Variants in CHD1L observed in about 807,000 individuals in gnomAD.
CHD1L encodes ATP-dependent chromatin remodeler CHD1L.
CHD1L carries 118 observed loss-of-function variants against 115.9 expected under a neutral mutation model. The ratio of observed to expected loss-of-function variants is 1.02; its 90% CI spans 0.88 to 1.19. CHD1L has a LOEUF of 1.19. Among genes scored for constraint, CHD1L ranks in the 50% most tolerant of loss-of-function variants. The pLI is 0.00. For synonymous variants in CHD1L, 411 were observed against 387.1 expected, an observed-to-expected ratio of 1.06 and a Z score of -0.72; for missense variants, 1,179 against 1,065.3, an observed-to-expected ratio of 1.11 and a Z score of -1.49.
the CHD1L span, chr1:147,204,830 C>T: frequency 6.2e-7 from 1 of 1,603,448 alleles, no homozygotes; most frequent in Non-Finnish European, 8.5e-7. Flanking sequence ...TCCTTGCAAG[C>T]TTGTATGTTT....
At chr1:147,190,347 A>G in the CHD1L span, 2 of 760,826 alleles carry the variant, frequency 2.6e-6, no homozygotes, top group East Asian at 2.6e-5. Flanking sequence ...AAAGAAATAC[A>G]GGGTAAGTTT....
chr1:147,178,369 A>T, the CHD1L span: 1 of 1,611,980 alleles, frequency 6.2e-7, no homozygotes, highest in Non-Finnish European at 8.5e-7. Context: ...GGCTGATTGC[A>T]CTGCCAACAC....
At chr1:147,244,111 T>G (rs1665825355) in intron 1 of CHD1L, among the ~76,000 whole-genome samples, 1 of 152,260 alleles carries the variant, frequency 6.6e-6, no homozygotes, top group South Asian at 2.1e-4. Flanking sequence ...GTTTGTGGGT[T>G]TGCCTATTTC....
At chr1:147,232,840 G>A in the CHD1L span, among the ~76,000 whole-genome samples, 698 of 152,244 alleles carry the variant, frequency 4.6e-3, 5 homozygotes, top group African/African-American at 0.016. Flanking sequence ...GCGTGATCTC[G>A]GCTCGCTACA....
At chr1:147,269,667 C>CAAA (rs10649680) in intron 10 of CHD1L, among the ~76,000 whole-genome samples, 1,592 of 92,888 alleles carry the variant, frequency 0.017, 80 homozygotes, top group Admixed American at 0.056. Context: ...GGCTCCATCT[C>CAAA]AAAAAAAAAA....
At chr1:147,204,830 C>G in the CHD1L span, 23 of 1,603,448 alleles carry the variant, frequency 1.4e-5, no homozygotes, top group Non-Finnish European at 2.0e-5. Context: ...TCCTTGCAAG[C>G]TTGTATGTTT....
At chr1:147,183,436 C>A in the CHD1L span, among the ~76,000 whole-genome samples, 13 of 152,254 alleles carry the variant, frequency 8.5e-5, no homozygotes, top group African/African-American at 2.9e-4. Context: ...TATGTTTCAG[C>A]CACTACATTA....
chr1:147,243,973 G>A (rs1665772939), intron 1 of CHD1L, among the ~76,000 whole-genome samples: 1 of 152,222 alleles, frequency 6.6e-6, no homozygotes, highest in South Asian at 2.1e-4. Flanking sequence ...ACATGAAAGA[G>A]AAAGACCTCT....
At chr1:147,201,175 C>A in the CHD1L span, 57 of 1,612,776 alleles carry the variant, frequency 3.5e-5, no homozygotes, top group South Asian at 5.5e-4. Flanking sequence ...AGTGGCCCAG[C>A]GTCCTTGGAG....
At chr1:147,273,446 C>T (rs1175117683) in intron 12 of CHD1L, among the ~76,000 whole-genome samples, 2 of 151,892 alleles carry the variant, frequency 1.3e-5, no homozygotes, top group Non-Finnish European at 2.9e-5. Flanking sequence ...GATTATTTCA[C>T]CTGTGTTTGT....
At chr1:147,202,646 A>G in the CHD1L span, among the ~76,000 whole-genome samples, 1 of 152,112 alleles carries the variant, frequency 6.6e-6, no homozygotes, top group South Asian at 2.1e-4. Context: ...CCTGAATACT[A>G]TATTAACTCA....
intron 20 of CHD1L, among the ~76,000 whole-genome samples, chr1:147,292,227 T>G (rs1460291367): frequency 4.6e-5 from 7 of 152,052 alleles, no homozygotes; most frequent in African/African-American, 1.7e-4. Context: ...GACTCAGAAC[T>G]CTGACGGTTT....
the CHD1L span, among the ~76,000 whole-genome samples, chr1:147,188,522 C>CAA: frequency 2.4e-3 from 148 of 61,178 alleles, no homozygotes; most frequent in African/African-American, 5.8e-3. Flanking sequence ...GACCCCATAT[C>CAA]AAAAAAAAAA....
At chr1:147,235,041 A>G in the CHD1L span, among the ~76,000 whole-genome samples, 1 of 151,608 alleles carries the variant, frequency 6.6e-6, no homozygotes, top group Non-Finnish European at 1.5e-5. Flanking sequence ...CAGTAATACA[A>G]TCTATCAAAG....
chr1:147,277,680 C>G (rs186400679), intron 14 of CHD1L, among the ~76,000 whole-genome samples: 276 of 152,162 alleles, frequency 1.8e-3, no homozygotes, highest in Non-Finnish European at 2.8e-3. Flanking sequence ...TGTTTTCACA[C>G]TAAGAGACAA....
the CHD1L span, chr1:147,213,487 T>C: frequency 6.3e-7 from 1 of 1,586,960 alleles, no homozygotes; most frequent in Non-Finnish European, 8.6e-7. Flanking sequence ...AGAAAAGTGA[T>C]AACCACAGGG....
chr1:147,275,193 G>A (rs587594900), intron 12 of CHD1L, among the ~76,000 whole-genome samples, 161 bp from the exon 13 acceptor site: 1 of 152,162 alleles, frequency 6.6e-6, no homozygotes, highest in African/African-American at 2.4e-5. Flanking sequence ...CTCACCGCTG[G>A]AACAAGGCTT....
intron 14 of CHD1L, among the ~76,000 whole-genome samples, chr1:147,278,911 A>T (rs1553959956): frequency 6.6e-6 from 1 of 152,188 alleles, no homozygotes; most frequent in Non-Finnish European, 1.5e-5. Flanking sequence ...ATAAAAACAC[A>T]TGTAATTTTC....
At chr1:147,231,947 C>T in the CHD1L span, among the ~76,000 whole-genome samples, 2 of 152,216 alleles carry the variant, frequency 1.3e-5, no homozygotes, top group African/African-American at 4.8e-5. Flanking sequence ...CCTGCACCCA[C>T]TTTCTGACAC....
Sources: allele counts gnomAD v4.1 joint callset (sites outside exome capture counted in the v4.1 genomes callset), GRCh38; gene constraint gnomAD v4.1.1; transcripts MANE v1.5; gene names NCBI Gene and HGNC (gene_info 2026-07-23, HGNC 2026-07-21).